SYTL3: variants seen among roughly 807,000 people sequenced by gnomAD.
SYTL3 encodes the protein synaptotagmin-like protein 3.
Under a neutral mutation model 82.1 loss-of-function variants are expected in SYTL3, and 88 were observed. That is an observed-to-expected ratio of 1.07 (90% CI 0.90 to 1.28). The LOEUF is 1.28. SYTL3 is among the 50% of genes most tolerant of loss of function. SYTL3 has a pLI of 0.00. For synonymous variants in SYTL3, 311 were observed against 289.4 expected, an observed-to-expected ratio of 1.07 and a Z score of -0.76; for missense variants, 831 against 757.6, an observed-to-expected ratio of 1.10 and a Z score of -1.14.
chr6:158,655,254 G>A (rs1788544020), intron 2 of SYTL3, among the ~76,000 whole-genome samples: 1 of 152,190 alleles, frequency 6.6e-6, no homozygotes, highest in African/African-American at 2.4e-5. Context: ...GTTTTCTGCA[G>A]TGAGGACTCA....
intron 2 of SYTL3, among the ~76,000 whole-genome samples, chr6:158,658,776 A>G (rs1460700082): frequency 1.3e-5 from 2 of 152,042 alleles, no homozygotes; most frequent in African/African-American, 4.8e-5. Flanking sequence ...AATACAAAAA[A>G]AAATTAGCCA....
chr6:158,710,611 A>C (rs1157995242), intron 8 of SYTL3, among the ~76,000 whole-genome samples: 3 of 152,216 alleles, frequency 2.0e-5, no homozygotes, highest in African/African-American at 7.2e-5. Context: ...ACTACACAGC[A>C]TAGCAAACTG....
chr6:158,752,369 C>G (rs906554725), intron 13 of SYTL3, among the ~76,000 whole-genome samples: 15 of 152,330 alleles, frequency 9.8e-5, no homozygotes, highest in African/African-American at 3.6e-4. Context: ...GTGAATGTTT[C>G]TGTCAAAGAG....
chr6:158,725,099 T>G (rs541799198), intron 10 of SYTL3, among the ~76,000 whole-genome samples: 2 of 150,156 alleles, frequency 1.3e-5, no homozygotes, highest in East Asian at 3.9e-4. Context: ...ATATTTTGAT[T>G]TTTCCCTTTT....
intron 14 of SYTL3, among the ~76,000 whole-genome samples, chr6:158,759,326 T>G (rs1320617531): frequency 6.6e-6 from 1 of 152,218 alleles, no homozygotes; most frequent in African/African-American, 2.4e-5. Flanking sequence ...CGCCTCGGTT[T>G]CTGGCCGCTG....
At chr6:158,692,216 C>CACAT in intron 6 of SYTL3, among the ~76,000 whole-genome samples, 1 of 122,242 alleles carries the variant, frequency 8.2e-6, no homozygotes, top group Admixed American at 1.0e-4. Context: ...CCAGATTGTG[C>CACAT]CACTGCACTC....
At chr6:158,690,658 A>G (rs1779766604) in intron 6 of SYTL3, among the ~76,000 whole-genome samples, 1 of 152,184 alleles carries the variant, frequency 6.6e-6, no homozygotes, top group South Asian at 2.1e-4. Context: ...CATTTTGTAG[A>G]GCGATAGTAC....
chr6:158,751,110 G>A (rs577932029), intron 12 of SYTL3, among the ~76,000 whole-genome samples: 54 of 152,198 alleles, frequency 3.5e-4, no homozygotes, highest in Admixed American at 1.8e-3. Context: ...GGCCGATTTC[G>A]AGTATTTTCA....
At chr6:158,729,660 T>G (rs1007924091) in intron 11 of SYTL3, among the ~76,000 whole-genome samples, 1 of 151,042 alleles carries the variant, frequency 6.6e-6, no homozygotes, top group Non-Finnish European at 1.5e-5. Flanking sequence ...TCCGCCTCTC[T>G]GGTTCACGCC....
chr6:158,652,441 G>A (rs954741369), intron 2 of SYTL3, among the ~76,000 whole-genome samples: 3 of 152,140 alleles, frequency 2.0e-5, no homozygotes, highest in African/African-American at 7.2e-5. Context: ...AGTGGAGACA[G>A]GGTTTTAACA....
intron 6 of SYTL3, among the ~76,000 whole-genome samples, chr6:158,692,235 G>T (rs1330090909): frequency 1.9e-5 from 2 of 107,294 alleles, no homozygotes; most frequent in Admixed American, 1.4e-4. Flanking sequence ...TCCAGCCTGG[G>T]CGACAGAGCG....
chr6:158,726,181 C>G (rs577610868), intron 11 of SYTL3: 75 of 423,212 alleles, frequency 1.8e-4, no homozygotes, highest in African/African-American at 1.5e-3. Flanking sequence ...CTATAAAAAT[C>G]ACTGCCATAC....
intron 11 of SYTL3, among the ~76,000 whole-genome samples, chr6:158,736,293 G>A (rs1786154222): frequency 6.6e-6 from 1 of 152,130 alleles, no homozygotes; most frequent in African/African-American, 2.4e-5. Flanking sequence ...AGAGTTTGCA[G>A]TGAGCCAGGA....
intron 5 of SYTL3, among the ~76,000 whole-genome samples, chr6:158,666,997 A>G (rs1279811057): frequency 6.6e-6 from 1 of 152,218 alleles, no homozygotes; most frequent in Non-Finnish European, 1.5e-5. Context: ...AGAGCAAAAA[A>G]TAATTACTGT....
chr6:158,650,546 G>T (rs1411505002), intron 1 of SYTL3, among the ~76,000 whole-genome samples: 2 of 152,052 alleles, frequency 1.3e-5, no homozygotes, highest in African/African-American at 4.8e-5. Context: ...GTTAGCTAGG[G>T]TCTAATTTAA....
chr6:158,645,334 G>A (rs1664761731), upstream of SYTL3, among the ~76,000 whole-genome samples: 1 of 152,134 alleles, frequency 6.6e-6, no homozygotes, highest in South Asian at 2.1e-4. Context: ...TAACCATAGT[G>A]AACTAGACAG....
intron 6 of SYTL3, among the ~76,000 whole-genome samples, chr6:158,701,752 A>G (rs1781332914): frequency 6.6e-6 from 1 of 151,394 alleles, no homozygotes; most frequent in African/African-American, 2.4e-5. Context: ...GGATCCTCCA[A>G]CAACAGAAAT....
rs1218747976 is a variant in SYTL3 at position 158,762,146 on chromosome 6, G to A, written c.1485G>A (p.Arg495=). 2 of 1,613,606 alleles carry A rather than the reference G, an allele frequency of 1.2e-6. No homozygotes were observed. The highest frequency in any genetic ancestry group is 1.7e-6 in the Non-Finnish European group (2 of 1,179,890). Residue 495 remains arginine (R), a synonymous_variant, in exon 16 of 18, where the codon CGG becomes CGA. Transcript: ENST00000611299. The part of the protein sequence containing the change: ...VVLGAKNLPV[R]PDGTLNSFVK... Reference sequence around the variant, plus strand: ...TAGGAGCCAAGAATTTACCTGTGCGGCCAGATGGCACCTTGAACTCATTTG... The same window carrying A: ...TAGGAGCCAAGAATTTACCTGTGCGACCAGATGGCACCTTGAACTCATTTG...
chr6:158,725,040 TAAAA>T (rs576589083), intron 10 of SYTL3, among the ~76,000 whole-genome samples: 2 of 151,960 alleles, frequency 1.3e-5, no homozygotes, highest in African/African-American at 4.8e-5. Flanking sequence ...AAAGAAAAAA[TAAAA>T]AAAGCATCAA....
Sources: gnomAD v4.1 joint callset for allele counts (sites outside exome capture counted in the v4.1 genomes callset) on GRCh38, gnomAD v4.1.1 for gene constraint, MANE v1.5 for transcripts, NCBI Gene and HGNC (gene_info 2026-07-23, HGNC 2026-07-21) for gene names.